AMOTL1: variants seen among roughly 807,000 people sequenced by gnomAD.
AMOTL1 encodes angiomotin like 1, also known as angiomotin-like protein 1.
Under a neutral mutation model 102.9 loss-of-function variants are expected in AMOTL1, and 45 were observed. The observed-to-expected ratio is 0.44, with a 90% confidence interval of 0.34 to 0.56. The LOEUF is 0.56. Ranked by LOEUF, AMOTL1 falls within the 20% of genes least tolerant of loss-of-function variation. The pLI, the probability that AMOTL1 is intolerant of heterozygous loss-of-function variation, is 0.01. For synonymous variants in AMOTL1, 481 were observed against 484.7 expected (o/e 0.99, Z 0.10); for missense variants, 1,114 against 1,225.6 (o/e 0.91, Z 1.36).
intron 1 of AMOTL1, among the ~76,000 whole-genome samples, chr11:94,726,951 G>T (rs912509341): frequency 6.6e-6 from 1 of 152,274 alleles, no homozygotes; most frequent in Non-Finnish European, 1.5e-5. Context: ...AACCAGCAGG[G>T]GTTGCAGGTT....
chr11:94,752,043 C>G (rs1043977311), intron 3 of AMOTL1, among the ~76,000 whole-genome samples: 2 of 152,170 alleles, frequency 1.3e-5, no homozygotes, highest in African/African-American at 4.8e-5. Flanking sequence ...CACATTCTTG[C>G]CGGATGATCA....
At chr11:94,751,150 G>T (rs1488724023) in intron 3 of AMOTL1, among the ~76,000 whole-genome samples, 1 of 152,132 alleles carries the variant, frequency 6.6e-6, no homozygotes, top group African/African-American at 2.4e-5. Flanking sequence ...CACAGGGACA[G>T]GCAGTACAAT....
intron 1 of AMOTL1, among the ~76,000 whole-genome samples, chr11:94,788,434 G>A (rs935510881): frequency 2.6e-5 from 4 of 152,046 alleles, no homozygotes; most frequent in Non-Finnish European, 2.9e-5. Context: ...ATGTTGGGCC[G>A]ATCTTCCCTC....
chr11:94,770,457 G>C (rs1182169125), intron 1 of AMOTL1, among the ~76,000 whole-genome samples: 1 of 152,112 alleles, frequency 6.6e-6, no homozygotes, highest in African/African-American at 2.4e-5. Flanking sequence ...TGGTGGTGGG[G>C]GTTGGGGGGA....
chr11:94,735,539 C>A (rs1318640537), intron 2 of AMOTL1, among the ~76,000 whole-genome samples: 1 of 152,126 alleles, frequency 6.6e-6, no homozygotes. Flanking sequence ...TCTTCTATGA[C>A]TTTTTAATAT....
At chr11:94,800,647 A>G (rs1303819700) in intron 3 of AMOTL1, among the ~76,000 whole-genome samples, 2 of 152,180 alleles carry the variant, frequency 1.3e-5, no homozygotes, top group Non-Finnish European at 2.9e-5. Flanking sequence ...CTCCTGGAAC[A>G]TATTATTACC....
chr11:94,846,092 T>C (rs1952404989), intron 6 of AMOTL1, among the ~76,000 whole-genome samples: 1 of 152,224 alleles, frequency 6.6e-6, no homozygotes. Context: ...ATACACTTCA[T>C]GGTCCCCATG....
intron 1 of AMOTL1, among the ~76,000 whole-genome samples, chr11:94,708,085 C>G (rs894541962): frequency 6.6e-6 from 1 of 152,090 alleles, no homozygotes; most frequent in African/African-American, 2.4e-5. Context: ...ATCTCTCTAC[C>G]CCACCACTAC....
intron 1 of AMOTL1, among the ~76,000 whole-genome samples, chr11:94,710,000 G>A (rs1474216080): frequency 6.6e-6 from 1 of 152,094 alleles, no homozygotes; most frequent in South Asian, 2.1e-4. Flanking sequence ...TTACTAACTC[G>A]TTTTACCGTT....
At chr11:94,857,811 A>G (rs1406474305) in intron 8 of AMOTL1, among the ~76,000 whole-genome samples, 1 of 152,146 alleles carries the variant, frequency 6.6e-6, no homozygotes, top group African/African-American at 2.4e-5. Context: ...TGTAGTGTTC[A>G]CTGTTGCAAC....
intron 1 of AMOTL1, among the ~76,000 whole-genome samples, chr11:94,771,988 A>C (rs1565346071): frequency 6.6e-6 from 1 of 151,988 alleles, no homozygotes; most frequent in Non-Finnish European, 1.5e-5. Flanking sequence ...ATATACCTCT[A>C]TTTTTTCATT....
chr11:94,862,568 T>C (rs1394950249), intron 9 of AMOTL1, among the ~76,000 whole-genome samples: 2 of 152,234 alleles, frequency 1.3e-5, no homozygotes, highest in African/African-American at 2.4e-5. Flanking sequence ...AGCTTATCTT[T>C]TATGTGTGCA....
At chr11:94,788,803 A>C (rs1951236106) in intron 1 of AMOTL1, among the ~76,000 whole-genome samples, 1 of 152,224 alleles carries the variant, frequency 6.6e-6, no homozygotes, top group Non-Finnish European at 1.5e-5. Flanking sequence ...TTATATTGAT[A>C]ATATCTCAAA....
chr11:94,870,081 G>T (rs1183548002), intron 12 of AMOTL1, among the ~76,000 whole-genome samples: 1 of 152,156 alleles, frequency 6.6e-6, no homozygotes, highest in Non-Finnish European at 1.5e-5. Context: ...TTAAGCAAAG[G>T]AGTACCATGG....
Position 94,837,280 on chromosome 11 carries a change from A to G in AMOTL1, c.1648+5739A>G, listed in dbSNP as rs566055574. On this transcript the variant is annotated intron_variant, in intron 6 of 12. Transcript: ENST00000433060. The stretch of plus-strand genomic sequence containing the variant: ...GCACCTCTATTTCCTTTAAAGTAAT[A>G]GAAGAATGAATCTCCCAATTTAGCC... Among the ~76,000 whole-genome samples the G allele has an allele frequency of 2.0e-5, 3 of 152,356 alleles. No homozygotes were observed. In the East Asian group the frequency reaches 5.8e-4, roughly 29 times the overall value.
intron 7 of AMOTL1, 138 bp from the exon 8 acceptor site, chr11:94,853,795 A>G (rs1349317665): frequency 1.1e-5 from 10 of 879,780 alleles, no homozygotes; most frequent in Non-Finnish European, 1.7e-5. Flanking sequence ...CACTTGAAGG[A>G]TAGGAGTAGG....
At position 94,781,842 on chromosome 11, in the gene AMOTL1, GA is replaced by G. The variant is rs780080729; in HGVS notation, c.50-13156del. Among the ~76,000 whole-genome samples the G allele has an allele frequency of 7.5e-3, 816 of 109,264 alleles. 17 individuals are homozygous for G. Among genetic ancestry groups the G allele is most frequent in the African/African-American group, 0.023 (682 of 29,520 alleles). The allele number at this position is 109,264 out of a possible 152,430, so 71.7% of individuals were successfully genotyped here. On this transcript the variant is annotated intron_variant, in intron 1 of 12. Coordinates refer to ENST00000433060, the MANE Select transcript of AMOTL1 (RefSeq NM_130847.3). Reference sequence around the variant, plus strand: ...TAGCGAGACTCCGTCTCAAAAAGAAGAAAAAAAAAAAAAGAAAAAAACTATC... The same window carrying G: ...TAGCGAGACTCCGTCTCAAAAAGAAGAAAAAAAAAAAAGAAAAAAACTATC...
upstream of AMOTL1, chr11:94,768,341 G>A (rs1046566639): frequency 8.0e-6 from 11 of 1,373,754 alleles, no homozygotes; most frequent in Non-Finnish European, 1.0e-5. Context: ...AGCGGGGAGC[G>A]CGGACGGCGG....
intron 1 of AMOTL1, among the ~76,000 whole-genome samples, chr11:94,713,407 C>T (rs1950048678): frequency 6.6e-6 from 1 of 151,936 alleles, no homozygotes; most frequent in Admixed American, 6.6e-5. Context: ...TTGTCTCTAT[C>T]TACAGAACCT....
Sources: allele counts gnomAD v4.1 joint callset (sites outside exome capture counted in the v4.1 genomes callset), GRCh38; gene constraint gnomAD v4.1.1; transcripts MANE v1.5; gene names NCBI Gene and HGNC (gene_info 2026-07-23, HGNC 2026-07-21).